RNF128: variants seen among roughly 807,000 people sequenced by gnomAD.
RNF128 encodes ring finger protein 128.
A neutral mutation model predicts 26.2 loss-of-function variants in RNF128; 13 were observed. The ratio of observed to expected loss-of-function variants is 0.50; its 90% CI spans 0.32 to 0.79. The LOEUF is 0.79. Among genes scored for constraint, RNF128 ranks in the 30% least tolerant of loss-of-function variants. The pLI is 0.03. For missense variants in RNF128, 315 were observed against 349.7 expected (o/e 0.90, Z 0.79); for synonymous variants, 149 against 142.5 (o/e 1.05, Z -0.32).
intron 1 of RNF128, among the ~76,000 whole-genome samples, chrX:106,740,879 G>C (rs1929690752): frequency 9.0e-6 from 1 of 111,471 alleles, no homozygotes; most frequent in African/African-American, 3.3e-5. Flanking sequence ...TTAACCACTT[G>C]TGTATATCTT....
chrX:106,711,796 T>C (rs932734083), intron 1 of RNF128, among the ~76,000 whole-genome samples: 5 of 112,212 alleles, frequency 4.5e-5, no homozygotes, highest in African/African-American at 1.6e-4. Context: ...AAATTTCCAA[T>C]GTCTTCTGAC....
chrX:106,726,564 T>C (rs1276986851), upstream of RNF128: 1 of 671,378 alleles, frequency 1.5e-6, no homozygotes, highest in Non-Finnish European at 1.8e-6. Flanking sequence ...CCTCAGATCC[T>C]ATTCTAACAT....
intron 1 of RNF128, among the ~76,000 whole-genome samples, chrX:106,771,293 A>T (rs920902230): frequency 1.8e-5 from 2 of 112,519 alleles, no homozygotes; most frequent in Non-Finnish European, 3.8e-5. Context: ...TCAGACAGGG[A>T]TGTTTAAGTC....
intron 1 of RNF128, among the ~76,000 whole-genome samples, chrX:106,737,175 A>G (rs961542377): frequency 3.6e-5 from 4 of 111,650 alleles, no homozygotes; most frequent in African/African-American, 9.8e-5. Context: ...TTAAGAATGT[A>G]TCTTAACTTG....
At chrX:106,763,667 C>T (rs1421511612) in intron 1 of RNF128, among the ~76,000 whole-genome samples, 4 of 110,538 alleles carry the variant, frequency 3.6e-5, no homozygotes, top group Admixed American at 9.5e-5. Context: ...CCACCACGCC[C>T]GGCTAATTTT....
Position 106,790,227 on chromosome X carries a change from A to G in RNF128, c.929A>G (p.Glu310Gly). 3 of 1,205,400 alleles carry G rather than the reference A, an allele frequency of 2.5e-6. No homozygotes were observed. Among genetic ancestry groups the G allele is most frequent in the Non-Finnish European group, 3.4e-6 (3 of 890,940 alleles). Residue 310 changes from glutamate (E) to glycine (G), a missense_variant, in exon 5 of 7, where the codon GAA becomes GGA. Physicochemically the swap from Glu to Gly is moderately conservative, Grantham distance 98. Coordinates refer to ENST00000255499, the MANE Select transcript of RNF128 (RefSeq NM_194463.2). ...ACATGTGTTGACCCATGGCTGTTAGAACACAGGACTTGCCCCATGTGCAAA... is the reference window on the plus strand; with the variant it reads ...ACATGTGTTGACCCATGGCTGTTAGGACACAGGACTTGCCCCATGTGCAAA... ...HKTCVDPWLL[E>G]HRTCPMCKCD...
chrX:106,750,050 T>TAA (rs1929855036), intron 1 of RNF128, among the ~76,000 whole-genome samples: 1 of 112,427 alleles, frequency 8.9e-6, no homozygotes, highest in Non-Finnish European at 1.9e-5. Flanking sequence ...AAGAGTAGAA[T>TAA]AAGCAGTTCA....
At chrX:106,713,119 C>T (rs953853264) in intron 1 of RNF128, among the ~76,000 whole-genome samples, 8 of 107,744 alleles carry the variant, frequency 7.4e-5, no homozygotes, top group Non-Finnish European at 1.3e-4. Flanking sequence ...GAGCTCAAGT[C>T]GTCCCCCACC....
chrX:106,789,582 A>T (rs1930783226), intron 4 of RNF128, among the ~76,000 whole-genome samples: 1 of 102,301 alleles, frequency 9.8e-6, no homozygotes, highest in South Asian at 4.1e-4. Flanking sequence ...TGTAGTATAT[A>T]TAGTTACACA....
At chrX:106,751,936 G>A (rs1286533722) in intron 1 of RNF128, among the ~76,000 whole-genome samples, 1 of 110,125 alleles carries the variant, frequency 9.1e-6, no homozygotes, top group Non-Finnish European at 1.9e-5. Context: ...ATTCCCAGCT[G>A]TAGTGGCCAA....
chrX:106,775,177 A>G (rs901215518), intron 2 of RNF128, among the ~76,000 whole-genome samples: 2 of 111,939 alleles, frequency 1.8e-5, no homozygotes, highest in Admixed American at 1.9e-4. Context: ...ACACTGTGTT[A>G]ATATTTGACA....
intron 1 of RNF128, among the ~76,000 whole-genome samples, chrX:106,766,336 T>G (rs1043498516): frequency 2.7e-5 from 3 of 111,903 alleles, no homozygotes; most frequent in African/African-American, 9.7e-5. Context: ...CCACCAACAG[T>G]TAAAGGAGTT....
At chrX:106,694,764 T>TTCTCCTGCAAA (rs1928848640) in intron 1 of RNF128, among the ~76,000 whole-genome samples, 1 of 111,684 alleles carries the variant, frequency 9.0e-6, no homozygotes, top group East Asian at 2.8e-4. Flanking sequence ...TTGATTTATT[T>TTCTCCTGCAAA]TCTCCTGCAA....
At chrX:106,789,529 CTATATACAT>C (rs1930780079) in intron 4 of RNF128, among the ~76,000 whole-genome samples, 1 of 100,261 alleles carries the variant, frequency 1.0e-5, no homozygotes, top group Non-Finnish European at 2.0e-5. Context: ...ACATTATACA[CTATATACAT>C]TATATATAAT....
intron 1 of RNF128, among the ~76,000 whole-genome samples, chrX:106,752,797 G>C (rs1465574451): frequency 9.0e-6 from 1 of 111,703 alleles, no homozygotes; most frequent in Non-Finnish European, 1.9e-5. Flanking sequence ...AGGAAGCTCA[G>C]TGAAATTCCA....
At chrX:106,721,579 G>A (rs183537459) in intron 1 of RNF128, among the ~76,000 whole-genome samples, 32 of 111,614 alleles carry the variant, frequency 2.9e-4, no homozygotes, top group Non-Finnish European at 4.5e-4. Context: ...AGGCCTTTGT[G>A]GTAGGATTTG....
chrX:106,790,311 G>C (rs1489900840), intron 5 of RNF128, 29 bp downstream of exon 5: 1 of 971,903 alleles, frequency 1.0e-6, no homozygotes, highest in East Asian at 3.1e-5. Flanking sequence ...TTTATATGAA[G>C]AATATATGCC....
intron 2 of RNF128, among the ~76,000 whole-genome samples, chrX:106,781,760 C>A (rs1930568741): frequency 8.9e-6 from 1 of 112,075 alleles, no homozygotes; most frequent in African/African-American, 3.2e-5. Context: ...CTTTGTTAAA[C>A]ATTAGTTTAT....
chrX:106,785,989 C>T lies in RNF128; in HGVS notation c.804+853C>T, dbSNP rs189821241. On this transcript the variant is annotated intron_variant, in intron 3 of 6. Coordinates refer to ENST00000255499, the MANE Select transcript of RNF128 (RefSeq NM_194463.2). Reference sequence around the variant, plus strand: ...AGAAGACTTGCTGTTGTTAAGATGTCGGTTCCCCACCAAACTAATTTATGG... The same window carrying T: ...AGAAGACTTGCTGTTGTTAAGATGTTGGTTCCCCACCAAACTAATTTATGG... 7.0e-3 allele frequency among the ~76,000 whole-genome samples: 782 copies of T among 111,580 alleles called. 4 individuals carry two copies. The highest frequency in any genetic ancestry group is 0.012 in the Non-Finnish European group (661 of 53,007).
Sources: allele counts gnomAD v4.1 joint callset (sites outside exome capture counted in the v4.1 genomes callset), GRCh38; gene constraint gnomAD v4.1.1; transcripts MANE v1.5; gene names NCBI Gene and HGNC (gene_info 2026-07-23, HGNC 2026-07-21).